The following KLF12 variants were observed in gnomAD, a reference collection of about 807,000 sequenced individuals.
KLF12 encodes the protein Krueppel-like factor 12.
In KLF12, 9 loss-of-function variants were observed where a neutral mutation model predicts 37.8. The ratio of observed to expected loss-of-function variants is 0.24; its 90% CI spans 0.14 to 0.42. KLF12 has a LOEUF of 0.42. Among genes scored for constraint, KLF12 ranks in the 10% least tolerant of loss-of-function variants. KLF12 has a pLI of 1.00. For synonymous variants in KLF12, 208 were observed against 202.1 expected, an observed-to-expected ratio of 1.03 and a Z score of -0.25; for missense variants, 411 against 516.0, an observed-to-expected ratio of 0.80 and a Z score of 1.97.
chr13:74,180,971 T>A, the KLF12 span, among the ~76,000 whole-genome samples: 3 of 152,172 alleles, frequency 2.0e-5, no homozygotes, highest in African/African-American at 7.2e-5. Context: ...GGTCCTTTGA[T>A]TATATTAGAA....
At chr13:74,053,644 T>G (rs529475300) in intron 1 of KLF12, among the ~76,000 whole-genome samples, 1 of 152,250 alleles carries the variant, frequency 6.6e-6, no homozygotes, top group African/African-American at 2.4e-5. Flanking sequence ...GAATAATGCT[T>G]TGCAAAGGTG....
intron 2 of KLF12, 29 bp downstream of exon 2, chr13:73,994,961 A>G: frequency 6.9e-7 from 1 of 1,449,332 alleles, no homozygotes; most frequent in Non-Finnish European, 9.7e-7. Flanking sequence ...CAATATTTTC[A>G]ATGCAATTTT....
At chr13:73,774,374 A>G (rs1233181630) in intron 5 of KLF12, among the ~76,000 whole-genome samples, 1 of 151,908 alleles carries the variant, frequency 6.6e-6, no homozygotes, top group Non-Finnish European at 1.5e-5. Context: ...GTGACTGAAA[A>G]ATGATGTACC....
chr13:73,829,695 A>G (rs1884049475), intron 4 of KLF12, among the ~76,000 whole-genome samples: 1 of 75,876 alleles, frequency 1.3e-5, no homozygotes, highest in African/African-American at 3.8e-5. Context: ...TGCCTGAACA[A>G]TAACAACTGA....
chr13:74,116,351 C>G (rs1424664146), intron 1 of KLF12, among the ~76,000 whole-genome samples: 1 of 152,210 alleles, frequency 6.6e-6, no homozygotes, highest in Non-Finnish European at 1.5e-5. Context: ...TGGGAACCTG[C>G]TTTAAGTGAA....
intron 3 of KLF12, among the ~76,000 whole-genome samples, chr13:73,913,113 AC>A (rs1397162908): frequency 6.6e-6 from 1 of 152,166 alleles, no homozygotes; most frequent in African/African-American, 2.4e-5. Flanking sequence ...CTCCTGAGGC[AC>A]AGTGTTTCTG....
intron 1 of KLF12, among the ~76,000 whole-genome samples, chr13:74,111,581 C>A (rs1274086291): frequency 6.6e-6 from 1 of 152,102 alleles, no homozygotes; most frequent in Non-Finnish European, 1.5e-5. Context: ...AAAAGGAGAA[C>A]ACAACCTAGT....
chr13:73,750,882 C>T (rs9565037), intron 6 of KLF12, among the ~76,000 whole-genome samples: 90,379 of 151,964 alleles, frequency 0.59, 29,658 homozygotes, highest in East Asian at 0.85. Context: ...TTAGGGTCCA[C>T]GGGAAGATGG....
At chr13:73,966,367 T>C (rs1328953586) in intron 2 of KLF12, among the ~76,000 whole-genome samples, 1 of 152,090 alleles carries the variant, frequency 6.6e-6, no homozygotes, top group Non-Finnish European at 1.5e-5. Context: ...ATGAATAGTT[T>C]TGATAAAGAG....
the KLF12 span, among the ~76,000 whole-genome samples, chr13:74,246,012 C>T: frequency 6.6e-6 from 1 of 152,164 alleles, no homozygotes; most frequent in African/African-American, 2.4e-5. Context: ...TTCCTTGCAC[C>T]TAAAGGTCTT....
chr13:74,218,379 A>G, the KLF12 span, among the ~76,000 whole-genome samples: 1 of 152,210 alleles, frequency 6.6e-6, no homozygotes, highest in Non-Finnish European at 1.5e-5. Context: ...GATTTAACTA[A>G]CGAAATCTGG....
intron 7 of KLF12, among the ~76,000 whole-genome samples, chr13:73,708,918 C>A (rs1426377143): frequency 1.3e-5 from 2 of 152,122 alleles, no homozygotes; most frequent in Non-Finnish European, 2.9e-5. Context: ...TGTACAGAGA[C>A]CCACAATTTA....
intron 2 of KLF12, among the ~76,000 whole-genome samples, chr13:73,953,489 T>C (rs150834446): frequency 7.9e-5 from 12 of 152,320 alleles, no homozygotes; most frequent in African/African-American, 2.9e-4. Context: ...CATTGGTCAT[T>C]TCCCTTTATG....
chr13:74,008,365 T>C (rs1892469238), intron 1 of KLF12, among the ~76,000 whole-genome samples: 1 of 152,186 alleles, frequency 6.6e-6, no homozygotes, highest in Non-Finnish European at 1.5e-5. Context: ...GCCAAGCAAC[T>C]GGAAACACAT....
chr13:73,804,026 A>G (rs1882431419), intron 5 of KLF12, among the ~76,000 whole-genome samples: 1 of 152,070 alleles, frequency 6.6e-6, no homozygotes, highest in South Asian at 2.1e-4. Context: ...TTGGGTTCAT[A>G]TTGTCTAAAG....
chr13:74,212,532 G>A, the KLF12 span, among the ~76,000 whole-genome samples: 11 of 152,168 alleles, frequency 7.2e-5, no homozygotes, highest in Admixed American at 1.3e-4. Flanking sequence ...ACGCACAGAT[G>A]TCATGGGAGG....
chr13:74,052,692 G>A (rs991827228), intron 1 of KLF12, among the ~76,000 whole-genome samples: 1 of 152,014 alleles, frequency 6.6e-6, no homozygotes, highest in African/African-American at 2.4e-5. Flanking sequence ...TGCACATCAC[G>A]GCCATAAGTA....
chr13:73,992,753 A>C (rs1423855116), intron 2 of KLF12, among the ~76,000 whole-genome samples: 1 of 152,186 alleles, frequency 6.6e-6, no homozygotes, highest in Non-Finnish European at 1.5e-5. Flanking sequence ...CTTAATATTG[A>C]CTTTGTCAAT....
the KLF12 span, among the ~76,000 whole-genome samples, chr13:74,140,987 C>A: frequency 3.9e-5 from 6 of 151,914 alleles, no homozygotes; most frequent in Non-Finnish European, 8.8e-5. Context: ...ATGGCATGAA[C>A]CTGGGAGGAG....
Sources: allele counts gnomAD v4.1 joint callset (sites outside exome capture counted in the v4.1 genomes callset), GRCh38; gene constraint gnomAD v4.1.1; transcripts MANE v1.5; gene names NCBI Gene and HGNC (gene_info 2026-07-23, HGNC 2026-07-21).